The following AHNAK variants were observed in gnomAD, a reference collection of about 807,000 sequenced individuals.
AHNAK encodes neuroblast differentiation-associated protein AHNAK.
AHNAK carries 23 observed loss-of-function variants against 37.8 expected under a neutral mutation model. That is an observed-to-expected ratio of 0.61 (90% CI 0.44 to 0.86). The LOEUF is 0.86. Among genes scored for constraint, AHNAK ranks in the 40% least tolerant of loss-of-function variants. AHNAK has a pLI of 0.00. For missense variants in AHNAK, 7,411 were observed against 7,319.4 expected (o/e 1.01, Z -0.46); for synonymous variants, 2,481 against 2,636.3 (o/e 0.94, Z 1.80).
chr11:62,499,645 C>G (rs1224896639), intron 4 of AHNAK, among the ~76,000 whole-genome samples: 3 of 152,190 alleles, frequency 2.0e-5, no homozygotes, highest in African/African-American at 7.2e-5. Context: ...AACCAAGCCA[C>G]AAAGGGGAAA....
At chr11:62,512,340 C>T (rs1590640794), downstream of AHNAK, among the ~76,000 whole-genome samples, 1 of 152,318 alleles carries the variant, frequency 6.6e-6, no homozygotes, top group East Asian at 1.9e-4. The surrounding 1 kb of genome is among the most constrained non-coding windows in gnomAD (Gnocchi z 4.0). Context: ...TCCTCTATGG[C>T]TATAGTCCCC....
In AHNAK at chr11:62,526,172, C is replaced by T. The variant is rs1476390210; in HGVS notation, c.8245G>A (p.Asp2749Asn). The T allele has an allele frequency of 1.9e-6, 3 of 1,613,484 alleles. No homozygotes were observed. The highest frequency in any genetic ancestry group is 1.7e-6 in the Non-Finnish European group (2 of 1,179,910). Reference sequence around the variant, plus strand: ...ACATCAACATCAGGTGCGTCAATGTCCACTTTTGGGCCCTTGATGTCAACT... The same window carrying T: ...ACATCAACATCAGGTGCGTCAATGTTCACTTTTGGGCCCTTGATGTCAACT... ...PEVDIKGPKVDIDAPDVDVHG... is the reference protein window; with the variant it reads ...PEVDIKGPKVNIDAPDVDVHG... Residue 2749 changes from aspartate (D) to asparagine (N), a missense_variant, in exon 5 of 5, where the codon GAC (aspartate) becomes AAC (asparagine). Asp to Asn is a conservative substitution (Grantham distance 23). Coordinates refer to ENST00000378024, the MANE Select transcript of AHNAK (RefSeq NM_001620.3).
rs1354715092 is a variant in AHNAK at position 62,532,867 on chromosome 11, T to C, written c.1550A>G (p.Asp517Gly). ...CACCCCAGGAGCAGAAACCTTAATATCTCCTTTCAGTTTAGGAGACCCAAG... is the reference window on the plus strand; with the variant it reads ...CACCCCAGGAGCAGAAACCTTAATACCTCCTTTCAGTTTAGGAGACCCAAG... ...LSLGSPKLKG[D>G]IKVSAPGVQG... The change falls in exon 5 of 5, where the codon GAT becomes GGT. Residue 517 changes from aspartate to glycine, a missense_variant. By Grantham distance (94) the Asp-to-Gly change is moderately conservative (BLOSUM62 -1). Coordinates refer to ENST00000378024, the MANE Select transcript of AHNAK (RefSeq NM_001620.3). 1.1e-5 allele frequency: 18 copies of C among 1,614,024 alleles called. No homozygotes were observed. Among genetic ancestry groups the C allele is most frequent in the Non-Finnish European group, 1.5e-5 (18 of 1,180,004 alleles).
chr11:62,524,558 G>T lies in AHNAK; in HGVS notation c.9859C>A (p.His3287Asn), dbSNP rs1371847765. 6.2e-7 allele frequency: 1 copy of T among 1,613,426 alleles called. No homozygotes were observed. The highest frequency in any genetic ancestry group is 1.7e-5 in the Admixed American group (1 of 59,902). Residue 3287 changes from histidine (H) to asparagine (N), a missense_variant, in exon 5 of 5, where the codon CAT (histidine) becomes AAT (asparagine). Transcript: ENST00000378024. ...ATGGAGATCTTGGGCATGTTTACATGCATGTCAGGCATCTTCAGTTTTGGA... is the reference window on the plus strand; with the variant it reads ...ATGGAGATCTTGGGCATGTTTACATTCATGTCAGGCATCTTCAGTTTTGGA... ...KGPKLKMPDM[H>N]VNMPKISMPE...
Position 62,521,389 on chromosome 11 carries a change from G to A in AHNAK, c.13028C>T (p.Ala4343Val), listed in dbSNP as rs1057232456. 1.2e-6 allele frequency: 2 copies of A among 1,614,078 alleles called. No homozygotes were observed. Among genetic ancestry groups the A allele is most frequent in the Non-Finnish European group, 8.5e-7 (1 of 1,180,032 alleles). The change falls in exon 5 of 5, where the codon GCT becomes GTT. Residue 4343 changes from alanine to valine, a missense_variant. Transcript: ENST00000378024. ...GPDVDVTLPK[A>V]DIEISGPKVD... ...TTTGGGGCCAGAAATCTCAATGTCAGCCTTAGGAAGGGTAACATCCACATC... is the reference window on the plus strand; with the variant it reads ...TTTGGGGCCAGAAATCTCAATGTCAACCTTAGGAAGGGTAACATCCACATC...
chr11:62,497,059 T>C (rs760973526), intron 4 of AHNAK, among the ~76,000 whole-genome samples: 5 of 152,190 alleles, frequency 3.3e-5, no homozygotes, highest in African/African-American at 1.2e-4. Context: ...AATATTATAC[T>C]GAGTGATGCG....
chr11:62,480,638 G>A (rs896192931), intron 5 of AHNAK, among the ~76,000 whole-genome samples: 10 of 151,288 alleles, frequency 6.6e-5, no homozygotes, highest in African/African-American at 2.4e-4. Flanking sequence ...TCCAGCCTGG[G>A]TGACAGAGCA....
intron 5 of AHNAK, among the ~76,000 whole-genome samples, chr11:62,479,169 T>TC (rs1939211474): frequency 6.9e-6 from 1 of 144,338 alleles, no homozygotes; most frequent in Non-Finnish European, 1.5e-5. Context: ...TCTTTTTTCT[T>TC]TTTTTTTTTT....
At position 62,516,422 on chromosome 11, in the gene AHNAK, G is replaced by A; in HGVS notation, c.*322C>T. On this transcript the variant is annotated 3_prime_UTR_variant, in exon 5 of 5. Transcript: ENST00000378024. Reference sequence around the variant, plus strand: ...AAAACTAACAATGTTCAGTAAAAATGAGGATAATAAACACAAAAGCTTGCT... The same window carrying A: ...AAAACTAACAATGTTCAGTAAAAATAAGGATAATAAACACAAAAGCTTGCT... The A allele has an allele frequency of 4.8e-6, 6 of 1,247,092 alleles. No individual in the cohort carries two copies. The highest frequency in any genetic ancestry group is 6.2e-6 in the Non-Finnish European group (6 of 975,104). The allele number at this position is 1,247,092 out of a possible 1,614,324, so 77.3% of individuals were successfully genotyped here.
intron 4 of AHNAK, 60 bp from the exon 5 acceptor site, chr11:62,534,134 C>T (rs368313626): frequency 4.1e-5 from 60 of 1,478,296 alleles, no homozygotes; most frequent in East Asian, 4.0e-4. Flanking sequence ...AGCAGATGCC[C>T]GGCCACAGCC....
chr11:62,527,711 C>A lies in AHNAK; in HGVS notation c.6706G>T (p.Gly2236Cys). Residue 2236 changes from glycine to cysteine, a missense_variant, in exon 5 of 5, where the codon GGC becomes TGC. Coordinates refer to ENST00000378024, the MANE Select transcript of AHNAK (RefSeq NM_001620.3). ...GGCATCTTCAGGTGCCAGTCTGGGC[C>A]ATGAACATCCACATCTGGGGCATCA... ...DIDAPDVDVH[G>C]PDWHLKMPKM... 1 of 1,614,038 alleles carries A rather than the reference C, an allele frequency of 6.2e-7. No homozygotes were observed. Among genetic ancestry groups the A allele is most frequent in the Non-Finnish European group, 8.5e-7 (1 of 1,180,010 alleles).
At chr11:62,442,261 T>C (rs1292324896) in intron 5 of AHNAK, among the ~76,000 whole-genome samples, 1 of 152,128 alleles carries the variant, frequency 6.6e-6, no homozygotes, top group African/African-American at 2.4e-5. Context: ...TAAATCTCTT[T>C]AGGGCCGGGC....
Position 62,536,091 on chromosome 11 carries a change from T to A in AHNAK, c.8A>T (p.Lys3Met), listed in dbSNP as rs1198338110. ME[K>M]EETTRELLLP... ...CAGCAGCTCCCGGGTTGTCTCCTCC[T>A]TCTCCATCTGGAATGAGGTGAGGAA... Residue 3 changes from lysine (K) to methionine (M), a missense_variant, in exon 3 of 5, where the codon AAG (lysine) becomes ATG (methionine). Coordinates refer to ENST00000378024, the MANE Select transcript of AHNAK (RefSeq NM_001620.3). 7.6e-6 allele frequency: 12 copies of A among 1,581,894 alleles called. No homozygotes were observed. Among genetic ancestry groups the A allele is most frequent in the Non-Finnish European group, 1.0e-5 (12 of 1,162,092 alleles).
At chr11:62,535,290 A>T in intron 3 of AHNAK, 100 bp from the exon 4 acceptor site, 1 of 1,084,090 alleles carries the variant, frequency 9.2e-7, no homozygotes, top group Non-Finnish European at 1.3e-6. Flanking sequence ...TGAACTCATG[A>T]CCACCCTGCA....
Position 62,533,344 on chromosome 11 carries a change from A to G in AHNAK, c.1073T>C (p.Val358Ala). ...TIQAPQLEVS[V>A]PSANIEGLEG... The stretch of plus-strand genomic sequence containing the variant: ...AAGGCCCTCAATATTGGCAGAGGGC[A>G]CACTGACTTCCAGCTGAGGGGCTTG... Residue 358 changes from valine (V) to alanine (A), a missense_variant, in exon 5 of 5, where the codon GTG becomes GCG. Physicochemically the swap from Val to Ala is moderately conservative, Grantham distance 64. Coordinates refer to ENST00000378024, the MANE Select transcript of AHNAK (RefSeq NM_001620.3). The G allele has an allele frequency of 6.4e-7, 1 of 1,558,386 alleles. No individual in the cohort carries two copies. The highest frequency in any genetic ancestry group is 8.7e-7 in the Non-Finnish European group (1 of 1,154,236).
At chr11:62,470,689 G>T (rs1453920353) in intron 5 of AHNAK, among the ~76,000 whole-genome samples, 1 of 152,008 alleles carries the variant, frequency 6.6e-6, no homozygotes, top group African/African-American at 2.4e-5. Flanking sequence ...TGGGGCTTGG[G>T]TGCTGATTAA....
In AHNAK at chr11:62,531,378, T is replaced by C. The variant is rs770051111; in HGVS notation, c.3039A>G (p.Gly1013=). The change falls in exon 5 of 5, where the codon GGA becomes GGG. Residue 1013 remains glycine (G), a synonymous_variant. Transcript: ENST00000378024. Reference sequence around the variant, plus strand: ...GGTTCACATCAAATTCTGGCCCCTCTCCTTTGAGGCTGGGCATGCTAAATT... The same window carrying C: ...GGTTCACATCAAATTCTGGCCCCTCCCCTTTGAGGCTGGGCATGCTAAATT... ...MPKFSMPSLK[G]EGPEFDVNLS... 1.6e-5 allele frequency: 26 copies of C among 1,611,568 alleles called. No homozygotes were observed. Among genetic ancestry groups the C allele is most frequent in the Non-Finnish European group, 8.5e-7 (1 of 1,179,310 alleles).
chr11:62,435,482 C>A (rs907466404), intron 5 of AHNAK, among the ~76,000 whole-genome samples: 1 of 152,046 alleles, frequency 6.6e-6, no homozygotes, highest in Non-Finnish European at 1.5e-5. Flanking sequence ...GCGATCTTGG[C>A]TCACTGCAGG....
chr11:62,479,167 C>CTTTTTTTTTTT (rs33929407), intron 5 of AHNAK, among the ~76,000 whole-genome samples: 5 of 116,248 alleles, frequency 4.3e-5, no homozygotes, highest in East Asian at 2.5e-4. Flanking sequence ...TTTCTTTTTT[C>CTTTTTTTTTTT]TTTTTTTTTT....
Sources: gnomAD v4.1 joint callset for allele counts (sites outside exome capture counted in the v4.1 genomes callset) on GRCh38, gnomAD v4.1.1 for gene constraint, Gnocchi (gnomAD v3.1) non-coding constraint, MANE v1.5 for transcripts, NCBI Gene and HGNC (gene_info 2026-07-23, HGNC 2026-07-21) for gene names.